SPAM1: variants seen among roughly 807,000 people sequenced by gnomAD.
The protein encoded by SPAM1 is hyaluronidase PH-20.
A neutral mutation model predicts 29.6 loss-of-function variants in SPAM1; 22 were observed. That is an observed-to-expected ratio of 0.74 (90% CI 0.53 to 1.06). The LOEUF (loss-of-function observed/expected upper bound fraction) is 1.06, where lower values mean the gene tolerates loss of function less well. Ranked by LOEUF, SPAM1 falls within the 50% of genes least tolerant of loss-of-function variation. The pLI, the probability that SPAM1 is intolerant of heterozygous loss-of-function variation, is 0.00. For missense variants in SPAM1, 534 were observed against 604.0 expected (o/e 0.88, Z 1.21); for synonymous variants, 194 against 204.6 (o/e 0.95, Z 0.44).
exon 6 of SPAM1, chr7:123,970,210 G>C: frequency 6.5e-7 from 1 of 1,549,190 alleles, no homozygotes; most frequent in South Asian, 1.2e-5. Context: ...GAGGCTGGAA[G>C]TCTGGGATCA....
At position 123,955,064 on chromosome 7, in the gene SPAM1, C is replaced by T. The variant is rs371180861; in HGVS notation, c.1022C>T (p.Thr341Ile). Residue 341 changes from threonine (T) to isoleucine (I), a missense_variant, in exon 4 of 5, where the codon ACC becomes ATC. By Grantham distance (89) the Thr-to-Ile change is moderately conservative. Transcript: ENST00000682466. ...GCTTCTGGAATTGTAATATGGGGAA[C>T]CCTCAGTATAATGCGAAGTATGGTA... is the stretch of plus-strand genomic sequence containing the variant. ...LGASGIVIWG[T>I]LSIMRSMKSC... 6.2e-7 allele frequency: 1 copy of T among 1,609,530 alleles called. No individual in the cohort carries two copies. The highest frequency in any genetic ancestry group is 1.3e-5 in the African/African-American group (1 of 74,660).
rs1335963309 is a variant in SPAM1 at position 123,929,438 on chromosome 7, T to G, written c.-319+4086T>G. ...TTGTCTGGTAACTACAGTATCACCCTGGGTAGGAAGAGCCAATCAAAATCA... is the reference window on the plus strand; with the variant it reads ...TTGTCTGGTAACTACAGTATCACCCGGGGTAGGAAGAGCCAATCAAAATCA... On this transcript the variant is annotated intron_variant, in intron 1 of 4. Coordinates refer to ENST00000682466, the MANE Select transcript of SPAM1 (RefSeq NM_153189.3). Among the ~76,000 whole-genome samples the G allele has an allele frequency of 2.6e-5, 4 of 152,228 alleles. No individual in the cohort carries two copies. The East Asian group carries it at 7.7e-4, about 29-fold the overall frequency.
At position 123,953,613 on chromosome 7, in the gene SPAM1, G is replaced by T. The variant is rs1287492496; in HGVS notation, c.43G>T (p.Val15Phe). The change falls in exon 3 of 5, where the codon GTT becomes TTT. Residue 15 changes from valine (V) to phenylalanine (F), a missense_variant. Coordinates refer to ENST00000682466, the MANE Select transcript of SPAM1 (RefSeq NM_153189.3). ...CAAGCACATCTTTTTCAGAAGCTTT[G>T]TTAAATCAAGTGGAGTATCCCAGAT... ...KFKHIFFRSF[V>F]KSSGVSQIVF... The T allele has an allele frequency of 1.2e-6, 2 of 1,601,272 alleles. No homozygotes were observed. Among genetic ancestry groups the T allele is most frequent in the African/African-American group, 1.4e-5 (1 of 73,992 alleles).
chr7:123,955,466 A>T (rs140677568), intron 4 of SPAM1, among the ~76,000 whole-genome samples: 1 of 151,828 alleles, frequency 6.6e-6, no homozygotes, highest in Admixed American at 6.6e-5. Context: ...AACCTTGTTG[A>T]CTCAATAGGA....
intron 4 of SPAM1, among the ~76,000 whole-genome samples, chr7:123,957,017 T>C (rs918038392): frequency 1.3e-5 from 2 of 151,992 alleles, no homozygotes; most frequent in Non-Finnish European, 2.9e-5. Context: ...CTTTTACTAC[T>C]CTTTGTGTAA....
At chr7:123,940,529 TC>T (rs901776343) in intron 1 of SPAM1, among the ~76,000 whole-genome samples, 6 of 151,794 alleles carry the variant, frequency 4.0e-5, no homozygotes, top group African/African-American at 1.5e-4. Context: ...CACTTTGTCA[TC>T]CGGGCTGGGG....
At chr7:123,971,034 C>T (rs1268516793) in exon 7 of SPAM1, 1 of 152,026 alleles carries the variant, frequency 6.6e-6, no homozygotes, top group African/African-American at 2.4e-5. Context: ...ACTATCATCA[C>T]CAACATCCTT....
At chr7:123,944,497 G>A (rs916071768) in intron 1 of SPAM1, among the ~76,000 whole-genome samples, 2 of 151,992 alleles carry the variant, frequency 1.3e-5, no homozygotes, top group Non-Finnish European at 2.9e-5. Context: ...TGTTTGTTAG[G>A]CCCAGTTACC....
chr7:123,962,145 C>T (rs898386642), downstream of SPAM1, among the ~76,000 whole-genome samples: 20 of 151,972 alleles, frequency 1.3e-4, no homozygotes, highest in Non-Finnish European at 1.0e-4. Flanking sequence ...TACATTCTCA[C>T]CAAGAGTTCC....
chr7:123,967,276 A>G (rs1432078635), intron 5 of SPAM1, among the ~76,000 whole-genome samples: 1 of 152,062 alleles, frequency 6.6e-6, no homozygotes, highest in African/African-American at 2.4e-5. Context: ...CAGTCAGCTT[A>G]TATTTCAGAT....
At chr7:123,964,776 A>G (rs1300423773), downstream of SPAM1, among the ~76,000 whole-genome samples, 4 of 152,056 alleles carry the variant, frequency 2.6e-5, no homozygotes, top group Admixed American at 6.6e-5. Flanking sequence ...ACTTTGTAAA[A>G]GCAGGAAAAA....
intron 1 of SPAM1, among the ~76,000 whole-genome samples, chr7:123,948,010 G>C (rs1447779563): frequency 2.0e-5 from 3 of 151,766 alleles, no homozygotes; most frequent in African/African-American, 7.3e-5. Context: ...AATAATAAAG[G>C]GGAAGGAAAA....
chr7:123,940,928 A>G (rs1808408553), intron 1 of SPAM1, among the ~76,000 whole-genome samples: 1 of 152,212 alleles, frequency 6.6e-6, no homozygotes, highest in South Asian at 2.1e-4. Context: ...TGAAGGATTC[A>G]ATATTTCCAA....
Position 123,959,577 on chromosome 7 carries a change from C to A in SPAM1, c.1138C>A (p.Leu380Ile), listed in dbSNP as rs1162109041. ...AGCAGCCAAAATGTGTAGCCAAGTG[C>A]TTTGCCAGGAGCAAGGAGTGTGTAT... ...TLAAKMCSQV[L>I]CQEQGVCIRK... is the part of the protein sequence containing the mutation. Residue 380 changes from leucine (L) to isoleucine (I), a missense_variant, in exon 5 of 5, where the codon CTT (leucine) becomes ATT (isoleucine). Physicochemically the swap from Leu to Ile is conservative, Grantham distance 5. Transcript: ENST00000682466. 6.2e-7 allele frequency: 1 copy of A among 1,613,172 alleles called. No individual in the cohort carries two copies.
chr7:123,936,864 G>A (rs1808256717), intron 1 of SPAM1, among the ~76,000 whole-genome samples: 1 of 152,204 alleles, frequency 6.6e-6, no homozygotes, highest in South Asian at 2.1e-4. Context: ...CAGTGTCTCA[G>A]TTTATTGGTG....
At chr7:123,955,208 A>G in intron 4 of SPAM1, 122 bp downstream of exon 4, 1 of 649,376 alleles carries the variant, frequency 1.5e-6, no homozygotes. Context: ...TAGGTGCTCA[A>G]TTAATACTGG....
chr7:123,960,797 C>T (rs191052490), downstream of SPAM1, among the ~76,000 whole-genome samples: 183 of 151,248 alleles, frequency 1.2e-3, no homozygotes, highest in South Asian at 4.6e-3. Flanking sequence ...TTACATTTTC[C>T]GTGAAAAAAA....
downstream of SPAM1, chr7:123,960,155 C>G (rs567771558): frequency 2.7e-6 from 2 of 752,784 alleles, no homozygotes; most frequent in South Asian, 4.9e-5. Context: ...TATGAATTCT[C>G]AACCATGAGT....
At chr7:123,935,397 G>T (rs1226698964) in intron 1 of SPAM1, among the ~76,000 whole-genome samples, 1 of 151,996 alleles carries the variant, frequency 6.6e-6, no homozygotes, top group African/African-American at 2.4e-5. Context: ...TTGCTTTATT[G>T]CCCATATTTT....
Sources: gnomAD v4.1 joint callset for allele counts (sites outside exome capture counted in the v4.1 genomes callset) on GRCh38, gnomAD v4.1.1 for gene constraint, MANE v1.5 for transcripts, NCBI Gene and HGNC (gene_info 2026-07-23, HGNC 2026-07-21) for gene names.